Variants in LHFPL2 observed in about 807,000 individuals in gnomAD.
LHFPL2 encodes LHFPL tetraspan subfamily member 2 protein.
LHFPL2 carries 7 observed loss-of-function variants against 17.5 expected under a neutral mutation model. The ratio of observed to expected loss-of-function variants is 0.40; its 90% CI spans 0.23 to 0.75. LHFPL2 has a LOEUF of 0.75. Among genes scored for constraint, LHFPL2 ranks in the 30% least tolerant of loss-of-function variants. LHFPL2 has a pLI of 0.37. For missense variants in LHFPL2, 241 were observed against 294.8 expected (o/e 0.82, Z 1.34); for synonymous variants, 134 against 116.2 (o/e 1.15, Z -0.99).
intron 2 of LHFPL2, among the ~76,000 whole-genome samples, chr5:78,587,073 T>G (rs770285758): frequency 2.0e-5 from 3 of 152,188 alleles, no homozygotes; most frequent in Non-Finnish European, 4.4e-5. Context: ...TCATTATTAG[T>G]AATAAAATGA....
rs540897852 is a variant in LHFPL2, at chr5:78,488,570, C to G, written c.*327G>C. 1.6e-4 allele frequency: 47 copies of G among 302,912 alleles called. No individual in the cohort carries two copies. The East Asian group carries it at 2.6e-3, about 17-fold the overall frequency. The allele number at this position is 302,912 out of a possible 1,614,324, so 18.8% of individuals were successfully genotyped here. A position where few individuals can be genotyped will look rare whatever the true frequency, so the allele number is the denominator to read the frequency against. ...CTGCAGATCTGGCGGACGGTCTCTTCCGTTACCAGAGAAACTGCTGCCCTA... is the reference window on the plus strand; with the variant it reads ...CTGCAGATCTGGCGGACGGTCTCTTGCGTTACCAGAGAAACTGCTGCCCTA... On this transcript the variant is annotated 3_prime_UTR_variant, in exon 5 of 5. Coordinates refer to ENST00000380345, the MANE Select transcript of LHFPL2 (RefSeq NM_005779.3).
chr5:78,644,303 C>CT (rs1745787214), intron 1 of LHFPL2: 3 of 1,168,446 alleles, frequency 2.6e-6, no homozygotes, highest in South Asian at 1.3e-5. Flanking sequence ...CCTCTTCCTT[C>CT]TTTTTCTTGC....
rs1315362782 is a variant in LHFPL2 at position 78,564,806 on chromosome 5, T to C, written c.-186+7A>G. ...AACAATAAGGTCATGTGATTTCATTTACTTACCTATTTATATCTGTAGGAA... is the reference window on the plus strand; with the variant it reads ...AACAATAAGGTCATGTGATTTCATTCACTTACCTATTTATATCTGTAGGAA... On this transcript the variant is annotated splice_region_variant and intron_variant, in intron 3 of 4. Coordinates refer to ENST00000380345, the MANE Select transcript of LHFPL2 (RefSeq NM_005779.3). The C allele has an allele frequency of 6.6e-6, 1 of 152,248 alleles. No individual in the cohort carries two copies. Among genetic ancestry groups the C allele is most frequent in the African/African-American group, 2.4e-5 (1 of 41,468 alleles). The allele number at this position is 152,248 out of a possible 1,614,324, so 9.4% of individuals were successfully genotyped here.
intron 4 of LHFPL2, among the ~76,000 whole-genome samples, chr5:78,502,151 T>TAGC (rs1754795055): frequency 1.3e-5 from 2 of 152,278 alleles, no homozygotes; most frequent in Admixed American, 6.5e-5. Context: ...TGAACATAAA[T>TAGC]AGCATTCTTT....
At chr5:78,639,449 A>G (rs571349281) in intron 1 of LHFPL2, among the ~76,000 whole-genome samples, 49 of 152,358 alleles carry the variant, frequency 3.2e-4, no homozygotes, top group Admixed American at 2.2e-3. Flanking sequence ...TTAAGCCGGC[A>G]CACTATGCTA....
Position 78,499,647 on chromosome 5 carries a change from G to A in LHFPL2, c.430+10137C>T, listed in dbSNP as rs181122746. The stretch of plus-strand genomic sequence containing the variant: ...CTTAGTTATATCTACAAGGATTAGA[G>A]AGCAGGTGATAAGGAACTGTTATCA... On this transcript the variant is annotated intron_variant, in intron 4 of 4. Coordinates refer to ENST00000380345, the MANE Select transcript of LHFPL2 (RefSeq NM_005779.3). Among the ~76,000 whole-genome samples the A allele has an allele frequency of 6.0e-4, 91 of 152,356 alleles. 1 individual carries two copies. The highest frequency in any genetic ancestry group is 5.0e-4 in the Non-Finnish European group (34 of 68,044).
At position 78,582,097 on chromosome 5, in the gene LHFPL2, T is replaced by C. The variant is rs562592688; in HGVS notation, c.-244-17226A>G. ...TTGCGTAGAGATGTTTGTAGTATTC[T>C]CTGATGGTAGTTTGTATTTCTGTGG... On this transcript the variant is annotated intron_variant, in intron 2 of 4. Coordinates refer to ENST00000380345, the MANE Select transcript of LHFPL2 (RefSeq NM_005779.3). 5.9e-5 allele frequency among the ~76,000 whole-genome samples: 9 copies of C among 152,380 alleles called. No individual in the cohort carries two copies. In the East Asian group the frequency reaches 1.7e-3, roughly 29 times the overall value.
intron 3 of LHFPL2, among the ~76,000 whole-genome samples, chr5:78,553,561 G>A (rs1230147649): frequency 6.6e-6 from 1 of 152,204 alleles, no homozygotes; most frequent in Non-Finnish European, 1.5e-5. Context: ...GAATGGAAGA[G>A]CTGATAGGGT....
Position 78,494,423 on chromosome 5 carries a change from A to G in LHFPL2, c.431-5270T>C, listed in dbSNP as rs1754541818. ...GAAGGTAACAATTTTCATAACCTTAAAAGACTCCAACATCCTCATCCCCGT... is the reference window on the plus strand; with the variant it reads ...GAAGGTAACAATTTTCATAACCTTAGAAGACTCCAACATCCTCATCCCCGT... On this transcript the variant is annotated intron_variant, in intron 4 of 4. Transcript: ENST00000380345. 3 of 985,404 alleles carry G rather than the reference A, an allele frequency of 3.0e-6. No individual in the cohort carries two copies. In the South Asian group the frequency reaches 1.4e-4, roughly 46 times the overall value. 61.0% of individuals were successfully genotyped at this position (985,404 alleles called of 1,614,324 possible). A position where few individuals can be genotyped will look rare whatever the true frequency, so the allele number is the denominator to read the frequency against.
intron 3 of LHFPL2, chr5:78,548,878 G>T (rs937276757): frequency 3.3e-5 from 5 of 152,136 alleles, no homozygotes; most frequent in African/African-American, 1.2e-4. Context: ...AACCAGAAAA[G>T]CCTCCTAGAA....
chr5:78,491,428 A>G (rs113858366), intron 4 of LHFPL2: 6,578 of 152,474 alleles, frequency 0.043, 426 homozygotes, highest in African/African-American at 0.14. Flanking sequence ...AGTTCCCCCA[A>G]GGCTAAGGCA....
intron 2 of LHFPL2, among the ~76,000 whole-genome samples, chr5:78,573,686 A>G (rs1322354459): frequency 6.6e-6 from 1 of 152,236 alleles, no homozygotes; most frequent in East Asian, 1.9e-4. Flanking sequence ...AATTTGACTT[A>G]AAATTTTGAA....
chr5:78,539,904 C>T (rs1314497335), intron 3 of LHFPL2, among the ~76,000 whole-genome samples: 1 of 150,750 alleles, frequency 6.6e-6, no homozygotes, highest in Non-Finnish European at 1.5e-5. Flanking sequence ...TCTGGCCACA[C>T]AAATCTCTCC....
At chr5:78,607,266 C>T (rs1056843843) in intron 2 of LHFPL2, among the ~76,000 whole-genome samples, 4 of 151,556 alleles carry the variant, frequency 2.6e-5, no homozygotes, top group Admixed American at 1.3e-4. Flanking sequence ...GCACCCGCCA[C>T]CACCTCCGGC....
At chr5:78,535,513 A>G (rs1160348346) in intron 3 of LHFPL2, among the ~76,000 whole-genome samples, 2 of 152,138 alleles carry the variant, frequency 1.3e-5, no homozygotes, top group East Asian at 3.9e-4. Flanking sequence ...CCAGAGCCAC[A>G]CAAAGCCAGA....
At position 78,488,121 on chromosome 5, in the gene LHFPL2, G is replaced by A. The variant is rs1483622787; in HGVS notation, c.*776C>T. The A allele has an allele frequency of 6.6e-6, 1 of 152,224 alleles. No homozygotes were observed. Among genetic ancestry groups the A allele is most frequent in the African/African-American group, 2.4e-5 (1 of 41,450 alleles). 9.4% of individuals were successfully genotyped at this position (152,224 alleles called of 1,614,324 possible). ...TTAGAAGAAAAACATGTGATCTCCA[G>A]AAGAAGAGGAGACTGGGCCAGAACT... On this transcript the variant is annotated 3_prime_UTR_variant, in exon 5 of 5. Transcript: ENST00000380345.
chr5:78,641,938 C>CACACACACACACACACAT (rs1491400228), intron 1 of LHFPL2: 4 of 143,804 alleles, frequency 2.8e-5, no homozygotes, highest in Admixed American at 6.8e-5. Flanking sequence ...CACACACACA[C>CACACACACACACACACAT]ATATATGCTC....
chr5:78,582,005 T>C (rs1033145624), intron 2 of LHFPL2, among the ~76,000 whole-genome samples: 1 of 152,242 alleles, frequency 6.6e-6, no homozygotes, highest in African/African-American at 2.4e-5. Flanking sequence ...AACTTCTTCA[T>C]GGTTTAGTCT....
chr5:78,554,104 T>C (rs965829), intron 3 of LHFPL2, among the ~76,000 whole-genome samples: 59,007 of 152,222 alleles, frequency 0.39, 11,881 homozygotes, highest in Middle Eastern at 0.48. Flanking sequence ...AATCTCTGCA[T>C]GTGCTTCCTT....
Sources: gnomAD v4.1 joint callset for allele counts (sites outside exome capture counted in the v4.1 genomes callset) on GRCh38, gnomAD v4.1.1 for gene constraint, MANE v1.5 for transcripts, NCBI Gene and HGNC (gene_info 2026-07-23, HGNC 2026-07-21) for gene names.